Variants in NAALADL2 observed in about 807,000 individuals in gnomAD.
NAALADL2 encodes N-acetylated alpha-linked acidic dipeptidase like 2, also known as inactive N-acetylated-alpha-linked acidic dipeptidase-like protein 2.
Under a neutral mutation model 87.2 loss-of-function variants are expected in NAALADL2, and 76 were observed. The observed-to-expected ratio is 0.87, with a 90% CI of 0.72 to 1.05. The LOEUF (loss-of-function observed/expected upper bound fraction) is 1.05. NAALADL2 is among the 50% of genes least tolerant of loss of function. The probability of loss-of-function intolerance (pLI) is 0.00; values close to 1 mark genes in which losing one functional copy is unlikely to be tolerated. For missense variants in NAALADL2, 1,089 were observed against 945.8 expected, an observed-to-expected ratio of 1.15 and a Z score of -1.99; for synonymous variants, 354 against 331.0, an observed-to-expected ratio of 1.07 and a Z score of -0.75.
intron 11 of NAALADL2, among the ~76,000 whole-genome samples, chr3:175,654,913 A>G (rs1731245004): frequency 6.6e-6 from 1 of 151,914 alleles, no homozygotes; most frequent in Non-Finnish European, 1.5e-5. Context: ...GAATGAAAGT[A>G]CAGAAAAGTG....
intron 1 of NAALADL2, chr3:174,459,580 C>T (rs563817139): frequency 2.8e-4 from 43 of 152,172 alleles, no homozygotes; most frequent in African/African-American, 9.6e-4. Context: ...AATTTTAGCT[C>T]GATTGTAGAA....
At chr3:174,596,308 A>G (rs1183380515) in intron 2 of NAALADL2, among the ~76,000 whole-genome samples, 1 of 152,146 alleles carries the variant, frequency 6.6e-6, no homozygotes, top group Non-Finnish European at 1.5e-5. Context: ...CTCTACTACC[A>G]TTGATGCTGC....
At chr3:174,874,401 G>A (rs966670563) in intron 1 of NAALADL2, among the ~76,000 whole-genome samples, 10 of 152,184 alleles carry the variant, frequency 6.6e-5, no homozygotes, top group African/African-American at 2.4e-4. Context: ...AAGGCAGCAT[G>A]GGGATTTCCT....
At chr3:175,496,803 A>G (rs763743364) in intron 9 of NAALADL2, among the ~76,000 whole-genome samples, 6 of 151,924 alleles carry the variant, frequency 3.9e-5, no homozygotes, top group Non-Finnish European at 8.8e-5. Context: ...CAAGCGATCC[A>G]CCTGCCTCGG....
At chr3:174,954,575 T>C (rs1484679019) in intron 1 of NAALADL2, among the ~76,000 whole-genome samples, 6 of 152,134 alleles carry the variant, frequency 3.9e-5, no homozygotes, top group Non-Finnish European at 8.8e-5. Flanking sequence ...TGTATGTGTT[T>C]ACAGTGAGAC....
chr3:175,668,864 T>C (rs1221596706), intron 11 of NAALADL2, among the ~76,000 whole-genome samples: 1 of 152,168 alleles, frequency 6.6e-6, no homozygotes, highest in African/African-American at 2.4e-5. Flanking sequence ...GTTTTTCAGA[T>C]GCAAATTTTG....
intron 3 of NAALADL2, among the ~76,000 whole-genome samples, chr3:175,251,142 T>G (rs1748995825): frequency 6.6e-6 from 1 of 152,194 alleles, no homozygotes. Context: ...TTTAAAAAAT[T>G]AACTTTTTAA....
At chr3:174,769,854 G>C (rs1714305581) in intron 3 of NAALADL2, among the ~76,000 whole-genome samples, 1 of 151,596 alleles carries the variant, frequency 6.6e-6, no homozygotes, top group Admixed American at 6.6e-5. Context: ...TCTAAACCCT[G>C]TTGCCTGTTT....
chr3:175,027,563 A>C (rs1324167768), intron 1 of NAALADL2, among the ~76,000 whole-genome samples: 1 of 152,154 alleles, frequency 6.6e-6, no homozygotes, highest in Non-Finnish European at 1.5e-5. Context: ...GATACCATTT[A>C]GTTCCAAATT....
rs561455621 is a variant in NAALADL2 at position 175,611,376 on chromosome 3, G to A, written c.1801-15915G>A. On this transcript the variant is annotated intron_variant, in intron 10 of 13. Transcript: ENST00000454872. ...TTGTAAAATATTGGTCATAAATTTT[G>A]TTAAAAGAAACAGTTTTTCTATTTT... is the stretch of plus-strand genomic sequence containing the variant. 4.6e-5 allele frequency among the ~76,000 whole-genome samples: 7 copies of A among 152,110 alleles called. No homozygotes were observed. In the East Asian group the frequency reaches 1.4e-3, roughly 29 times the overall value.
chr3:174,465,072 T>C (rs1286994884), intron 1 of NAALADL2, among the ~76,000 whole-genome samples: 2 of 152,140 alleles, frequency 1.3e-5, no homozygotes, highest in Non-Finnish European at 2.9e-5. Flanking sequence ...GTATATGTAA[T>C]GTGAATATTT....
intron 11 of NAALADL2, among the ~76,000 whole-genome samples, chr3:175,731,756 G>A (rs1011855825): frequency 1.3e-5 from 2 of 152,122 alleles, no homozygotes; most frequent in African/African-American, 4.8e-5. Context: ...ATATTCCAGT[G>A]TTCAAGGTGC....
At chr3:175,400,142 A>G (rs1052138326) in intron 5 of NAALADL2, among the ~76,000 whole-genome samples, 1 of 152,190 alleles carries the variant, frequency 6.6e-6, no homozygotes, top group Admixed American at 6.6e-5. Context: ...AAAGAGGGAT[A>G]CAGATGTGAA....
chr3:174,837,531 C>A (rs867649456), intron 3 of NAALADL2, among the ~76,000 whole-genome samples: 1 of 152,162 alleles, frequency 6.6e-6, no homozygotes, highest in Non-Finnish European at 1.5e-5. Flanking sequence ...CAGTGGCTCA[C>A]GCCTGTAATC....
At chr3:174,951,393 T>C (rs2108511863) in intron 1 of NAALADL2, among the ~76,000 whole-genome samples, 1 of 152,208 alleles carries the variant, frequency 6.6e-6, no homozygotes, top group East Asian at 1.9e-4. Context: ...ACAAATATGC[T>C]GACAGATACG....
chr3:174,750,981 G>A (rs1734766072), intron 3 of NAALADL2, among the ~76,000 whole-genome samples: 1 of 151,802 alleles, frequency 6.6e-6, no homozygotes, highest in African/African-American at 2.4e-5. Context: ...TTCTATAAGT[G>A]CAATTATATT....
chr3:175,354,695 T>A (rs1764148448), intron 5 of NAALADL2, among the ~76,000 whole-genome samples: 1 of 151,972 alleles, frequency 6.6e-6, no homozygotes, highest in Non-Finnish European at 1.5e-5. Flanking sequence ...CAGGCTAGAG[T>A]GCAGTGCCGA....
At chr3:174,599,704 A>G (rs1051706242) in intron 2 of NAALADL2, among the ~76,000 whole-genome samples, 2 of 152,040 alleles carry the variant, frequency 1.3e-5, no homozygotes, top group Non-Finnish European at 2.9e-5. Flanking sequence ...TATGCCATTT[A>G]TGCATTGTAT....
chr3:174,476,483 C>T (rs1301775304), intron 1 of NAALADL2, among the ~76,000 whole-genome samples: 1 of 151,888 alleles, frequency 6.6e-6, no homozygotes, highest in Non-Finnish European at 1.5e-5. Context: ...TTTGATCTCT[C>T]CTCTTATATT....
Sources: allele counts gnomAD v4.1 joint callset (sites outside exome capture counted in the v4.1 genomes callset), GRCh38; gene constraint gnomAD v4.1.1; transcripts MANE v1.5; gene names NCBI Gene and HGNC (gene_info 2026-07-23, HGNC 2026-07-21).